POPDC1: variants seen among roughly 807,000 people sequenced by gnomAD.
POPDC1 encodes the protein popeye domain-containing protein 1.
the POPDC1 span, among the ~76,000 whole-genome samples, chr6:105,135,166 G>A: frequency 1.3e-5 from 2 of 152,128 alleles, no homozygotes. Context: ...CAGGGACAAT[G>A]TTTATTCATC....
chr6:105,116,728 T>C, the POPDC1 span: 15 of 1,600,012 alleles, frequency 9.4e-6, no homozygotes, highest in Non-Finnish European at 1.2e-5. Context: ...GATCATTCAA[T>C]GAGTAGAGCT....
the POPDC1 span, among the ~76,000 whole-genome samples, chr6:105,119,535 A>C: frequency 3.9e-5 from 6 of 152,170 alleles, no homozygotes; most frequent in African/African-American, 1.4e-4. Context: ...ATGGAAGGCA[A>C]CTGAAAAATA....
the POPDC1 span, among the ~76,000 whole-genome samples, chr6:105,109,133 T>C: frequency 6.6e-6 from 1 of 152,094 alleles, no homozygotes; most frequent in Non-Finnish European, 1.5e-5. Context: ...ATTTTTTGTA[T>C]TTTTTGTAGA....
the POPDC1 span, chr6:105,100,542 GTATATATATGTATATATA>G: frequency 1.5e-5 from 2 of 134,348 alleles, no homozygotes; most frequent in African/African-American, 5.8e-5. Context: ...ATGTGTGTAT[GTATATATATGTATATATA>G]TATATATATG....
the POPDC1 span, among the ~76,000 whole-genome samples, chr6:105,124,024 G>A: frequency 2.6e-5 from 4 of 152,018 alleles, no homozygotes; most frequent in African/African-American, 9.7e-5. Context: ...AGCAAACACA[G>A]TCTAGAAATA....
chr6:105,118,631 G>A, the POPDC1 span, among the ~76,000 whole-genome samples: 2 of 152,170 alleles, frequency 1.3e-5, no homozygotes, highest in Admixed American at 1.3e-4. Flanking sequence ...ATTTCAGGTG[G>A]CAGTAAGTGT....
chr6:105,125,579 C>A, the POPDC1 span: 1 of 1,613,688 alleles, frequency 6.2e-7, no homozygotes, highest in Non-Finnish European at 8.5e-7. Flanking sequence ...CAATCTTTAC[C>A]TGAAATGCAG....
the POPDC1 span, among the ~76,000 whole-genome samples, chr6:105,121,442 A>G: frequency 6.6e-6 from 1 of 151,802 alleles, no homozygotes; most frequent in African/African-American, 2.4e-5. Flanking sequence ...TAATTTTTGT[A>G]TTTTTAGTGG....
the POPDC1 span, among the ~76,000 whole-genome samples, chr6:105,102,524 G>A: frequency 6.6e-6 from 1 of 152,160 alleles, no homozygotes; most frequent in African/African-American, 2.4e-5. Context: ...CAGGGGGAGG[G>A]AGCATGCAGA....
chr6:105,133,795 AT>A, the POPDC1 span, among the ~76,000 whole-genome samples: 2 of 152,184 alleles, frequency 1.3e-5, no homozygotes, highest in Admixed American at 1.3e-4. Context: ...ATAATACCTC[AT>A]TTGCCTTATG....
At chr6:105,126,157 T>C in the POPDC1 span, among the ~76,000 whole-genome samples, 1 of 150,204 alleles carries the variant, frequency 6.7e-6, no homozygotes, top group South Asian at 2.1e-4. Flanking sequence ...ACCCGGGAGG[T>C]GGAGGTTGCA....
At chr6:105,117,376 G>A in the POPDC1 span, among the ~76,000 whole-genome samples, 102,449 of 152,114 alleles carry the variant, frequency 0.67, 40,458 homozygotes, top group East Asian at 0.87. Context: ...TGATGAATAC[G>A]GCTGGTGAGG....
At chr6:105,130,415 T>C in the POPDC1 span, among the ~76,000 whole-genome samples, 1 of 152,216 alleles carries the variant, frequency 6.6e-6, no homozygotes, top group Non-Finnish European at 1.5e-5. Flanking sequence ...TGTGATTGTT[T>C]ACTTAGTCTG....
chr6:105,122,196 G>A, the POPDC1 span, among the ~76,000 whole-genome samples: 1 of 152,176 alleles, frequency 6.6e-6, no homozygotes, highest in African/African-American at 2.4e-5. Context: ...GATGGCTCCA[G>A]CTATACAGGA....
At chr6:105,103,998 T>C in the POPDC1 span, among the ~76,000 whole-genome samples, 1 of 152,186 alleles carries the variant, frequency 6.6e-6, no homozygotes, top group Non-Finnish European at 1.5e-5. Context: ...CTATATAACA[T>C]TAAAAGGATA....
chr6:105,105,725 T>G, the POPDC1 span, among the ~76,000 whole-genome samples: 1 of 93,468 alleles, frequency 1.1e-5, no homozygotes, highest in Non-Finnish European at 2.7e-5. Context: ...CTTCTACAGG[T>G]TTGCCTGGTT....
At chr6:105,128,007 G>A in the POPDC1 span, among the ~76,000 whole-genome samples, 3 of 152,184 alleles carry the variant, frequency 2.0e-5, no homozygotes, top group African/African-American at 7.2e-5. Flanking sequence ...TGACCCACCC[G>A]CCTCGGCTTC....
At chr6:105,133,778 G>T in the POPDC1 span, among the ~76,000 whole-genome samples, 826 of 152,206 alleles carry the variant, frequency 5.4e-3, 7 homozygotes, top group African/African-American at 0.019. Flanking sequence ...CCTGTTAAAA[G>T]ATGGTAATAA....
chr6:105,133,333 T>A, the POPDC1 span: 1 of 1,574,064 alleles, frequency 6.4e-7, no homozygotes, highest in Non-Finnish European at 8.7e-7. Context: ...TTACATAAAG[T>A]ATCAGTTAGG....
Sources: allele counts gnomAD v4.1 joint callset (sites outside exome capture counted in the v4.1 genomes callset), GRCh38; gene constraint gnomAD v4.1.1; transcripts MANE v1.5; gene names NCBI Gene and HGNC (gene_info 2026-07-23, HGNC 2026-07-21).